The following ARHGAP44 variants were observed in gnomAD, a reference collection of about 807,000 sequenced individuals.
The protein encoded by ARHGAP44 is rho GTPase-activating protein 44.
In ARHGAP44, 43 loss-of-function variants were observed where a neutral mutation model predicts 106.8. That is an observed-to-expected ratio of 0.40 (90% confidence interval 0.32 to 0.52). The LOEUF is 0.52. Ranked by LOEUF, ARHGAP44 falls within the 20% of genes least tolerant of loss-of-function variation. The pLI, the probability that ARHGAP44 is intolerant of heterozygous loss-of-function variation, is 0.48. For missense variants in ARHGAP44, 866 were observed against 1,050.5 expected (o/e 0.82, Z 2.43); for synonymous variants, 439 against 410.3 (o/e 1.07, Z -0.85).
intron 1 of ARHGAP44, among the ~76,000 whole-genome samples, chr17:12,853,923 A>T (rs1427593824): frequency 6.6e-6 from 1 of 151,672 alleles, no homozygotes; most frequent in Admixed American, 6.6e-5. Context: ...CCAATTCCCC[A>T]TTTCCATGTG....
intron 20 of ARHGAP44, chr17:12,987,090 T>C (rs1479825464): frequency 1.3e-6 from 2 of 1,533,584 alleles, no homozygotes; most frequent in Admixed American, 2.0e-5. Context: ...CCTATCATTG[T>C]GTTCTTGCAG....
chr17:12,847,489 C>T (rs373633917), intron 1 of ARHGAP44, among the ~76,000 whole-genome samples: 3 of 149,858 alleles, frequency 2.0e-5, no homozygotes, highest in Non-Finnish European at 2.9e-5. Flanking sequence ...CTCCCCTACA[C>T]CTTCCTTCAA....
chr17:12,933,884 T>A (rs889106485), intron 7 of ARHGAP44, among the ~76,000 whole-genome samples: 2 of 151,026 alleles, frequency 1.3e-5, no homozygotes, highest in Non-Finnish European at 2.9e-5. Flanking sequence ...TGTCTGGCTC[T>A]GTCGCCCAGG....
chr17:12,978,035 T>TAAAAAAAA (rs757585682), intron 18 of ARHGAP44, among the ~76,000 whole-genome samples: 825 of 55,500 alleles, frequency 0.015, 107 homozygotes, highest in Non-Finnish European at 0.018. Flanking sequence ...AGACTCCATC[T>TAAAAAAAA]CAAAAAAAAA....
rs137975083 is a variant in ARHGAP44 at position 12,955,993 on chromosome 17, C to G, written c.1250+13C>G. 119 of 1,594,854 alleles carry G rather than the reference C, an allele frequency of 7.5e-5. No individual in the cohort carries two copies. In the African/African-American group the frequency reaches 1.5e-3, roughly 21 times the overall value. On this transcript the variant is annotated intron_variant, in intron 14 of 20. Coordinates refer to ENST00000379672, the MANE Select transcript of ARHGAP44 (RefSeq NM_014859.6). The stretch of plus-strand genomic sequence containing the variant: ...CACAAGCAGAAGGGTAAGTACAGGG[C>G]GGAGAAGTAATGTGGGTGATCAGGT...
chr17:12,869,492 C>T (rs969062291), intron 1 of ARHGAP44, among the ~76,000 whole-genome samples: 6 of 151,872 alleles, frequency 4.0e-5, no homozygotes, highest in Non-Finnish European at 8.8e-5. Context: ...AATTTACCAT[C>T]TTAACCATTT....
rs979336786 is a variant in ARHGAP44 at position 12,991,079 on chromosome 17, C to T, written c.*908C>T. ...CAAAGCATGTGGAGGAAAAGTGAAA[C>T]CAGCCACGGAGACGCTGGCCCACGG... On this transcript the variant is annotated 3_prime_UTR_variant, in exon 21 of 21. Transcript: ENST00000379672. 4 of 152,630 alleles carry T rather than the reference C, an allele frequency of 2.6e-5. No homozygotes were observed. The highest frequency in any genetic ancestry group is 7.2e-5 in the African/African-American group (3 of 41,460). The allele number at this position is 152,630 out of a possible 1,614,324, so 9.5% of individuals were successfully genotyped here.
At position 12,958,871 on chromosome 17, in the gene ARHGAP44, G is replaced by A. The variant is rs1159638916; in HGVS notation, c.1497G>A (p.Met499Ile). Residue 499 changes from methionine (M) to isoleucine (I), a missense_variant, in exon 16 of 21, where the codon ATG (methionine) becomes ATA (isoleucine). Around this residue, in one of 2 missense-constraint regions of ARHGAP44, gnomAD observed 448 missense variants for 646.9 expected, o/e 0.69. Coordinates refer to ENST00000379672, the MANE Select transcript of ARHGAP44 (RefSeq NM_014859.6). This position sits in a 1 kb window ranked among gnomAD's most constrained non-coding sequence, Gnocchi z 4.1. ...RRPLSVATDN[M>I]MLEFYKKDGL... is the part of the protein sequence containing the mutation. Reference sequence around the variant, plus strand: ...CCCTCAGCGTCGCCACGGATAATATGATGCTGGAGTTTTACAAAAAGGATG... The same window carrying A: ...CCCTCAGCGTCGCCACGGATAATATAATGCTGGAGTTTTACAAAAAGGATG... The A allele has an allele frequency of 6.2e-7, 1 of 1,610,104 alleles. No individual in the cohort carries two copies. Among genetic ancestry groups the A allele is most frequent in the Non-Finnish European group, 8.5e-7 (1 of 1,178,148 alleles).
Position 12,964,422 on chromosome 17 carries a change from C to T in ARHGAP44, c.1523+5525C>T, listed in dbSNP as rs78776934. Among the ~76,000 whole-genome samples, 33 of 152,304 alleles carry T rather than the reference C, an allele frequency of 2.2e-4. 1 individual carries two copies. In the East Asian group the frequency reaches 4.8e-3, roughly 22 times the overall value. ...CAGATGCCTCCACTGGCTACATCCC[C>T]GACTGAGCCTGGACAAGCTGGGCCA... On this transcript the variant is annotated intron_variant, in intron 16 of 20. Transcript: ENST00000379672.
chr17:12,984,769 G>A lies in ARHGAP44; in HGVS notation c.2178G>A (p.Ser726=), dbSNP rs143756943. The change falls in exon 20 of 21, where the codon TCG becomes TCA. Residue 726 remains serine, a synonymous_variant. Coordinates refer to ENST00000379672, the MANE Select transcript of ARHGAP44 (RefSeq NM_014859.6). Reference sequence around the variant, plus strand: ...TCTTTACAAGCACTTTGAGCAAATCGCGGCCCACTCCTAAGCCGCGACAGA... The same window carrying A: ...TCTTTACAAGCACTTTGAGCAAATCACGGCCCACTCCTAAGCCGCGACAGA... ...PSVFTSTLSK[S]RPTPKPRQRP... 10,970 of 1,613,874 alleles carry A rather than the reference G, an allele frequency of 6.8e-3. 52 individuals carry two copies. Among genetic ancestry groups the A allele is most frequent in the Non-Finnish European group, 8.3e-3 (9,785 of 1,179,886 alleles).
chr17:12,903,140 A>AGAGAGAGTGTGTGT (rs1403029479), intron 3 of ARHGAP44, among the ~76,000 whole-genome samples: 1 of 57,574 alleles, frequency 1.7e-5, no homozygotes, highest in African/African-American at 6.3e-5. Context: ...AGAGAGAGAG[A>AGAGAGAGTGTGTGT]GTGTGTGTGT....
chr17:12,974,410 G>GCC, intron 18 of ARHGAP44, 100 bp downstream of exon 18: 1 of 995,080 alleles, frequency 1.0e-6, no homozygotes, highest in Non-Finnish European at 1.3e-6. Context: ...CGTTTCCCAT[G>GCC]CCCCCGCCCC....
rs190409037 is a variant in ARHGAP44 at position 12,886,464 on chromosome 17, C to T, written c.54-8476C>T. On this transcript the variant is annotated intron_variant, in intron 1 of 20. Coordinates refer to ENST00000379672, the MANE Select transcript of ARHGAP44 (RefSeq NM_014859.6). ...AATACCACAGACATGCTTTTTCTCT[C>T]TATTTAGATTTGCTTTTATTTATTT... is the stretch of plus-strand genomic sequence containing the variant. 3.9e-5 allele frequency among the ~76,000 whole-genome samples: 6 copies of T among 152,186 alleles called. No homozygotes were observed. In the East Asian group the frequency reaches 9.6e-4, roughly 24 times the overall value.
chr17:12,926,820 TTGG>T (rs2038261113), intron 6 of ARHGAP44, among the ~76,000 whole-genome samples: 1 of 152,060 alleles, frequency 6.6e-6, no homozygotes, highest in South Asian at 2.1e-4. Context: ...CACTTTCATA[TTGG>T]TTAGTTATTT....
chr17:12,855,124 G>A (rs185041917), intron 1 of ARHGAP44, among the ~76,000 whole-genome samples: 1 of 152,192 alleles, frequency 6.6e-6, no homozygotes, highest in Admixed American at 6.5e-5. Flanking sequence ...AAAGAAATCT[G>A]CTCAGCATTG....
At chr17:12,961,746 G>A (rs1464023116) in intron 16 of ARHGAP44, among the ~76,000 whole-genome samples, 1 of 152,032 alleles carries the variant, frequency 6.6e-6, no homozygotes, top group Non-Finnish European at 1.5e-5. Context: ...AAAAAAAAAA[G>A]TTAAATTCAA....
rs529590014 is a variant in ARHGAP44 at position 12,949,483 on chromosome 17, C to T, written c.974-166C>T. ...TGTGGGAAGAAAGAGGGGCCAGGTC[C>T]CCTGTCAGAGCCTCATACCCATTTC... On this transcript the variant is annotated intron_variant, in intron 11 of 20. Transcript: ENST00000379672. The surrounding 1 kb of genome is among the most constrained non-coding windows in gnomAD (Gnocchi z 4.1). Among the ~76,000 whole-genome samples, 1 of 152,254 alleles carries T rather than the reference C, an allele frequency of 6.6e-6. No homozygotes were observed. The highest frequency in any genetic ancestry group is 1.5e-5 in the Non-Finnish European group (1 of 68,020).
chr17:12,903,413 C>T (rs2037454088), intron 3 of ARHGAP44, among the ~76,000 whole-genome samples: 2 of 152,074 alleles, frequency 1.3e-5, no homozygotes, highest in Admixed American at 6.6e-5. Flanking sequence ...CTCTTTGGCT[C>T]TGAAAATCAC....
At position 12,909,199 on chromosome 17, in the gene ARHGAP44, A is replaced by G. The variant is rs1178106611; in HGVS notation, c.275+226A>G. ...GAGATTAACATGAAACTGATGAAGG[A>G]CAATTGAAATCCCTAGGGCCCTAGC... On this transcript the variant is annotated intron_variant, in intron 4 of 20. Transcript: ENST00000379672. Among the ~76,000 whole-genome samples the G allele has an allele frequency of 2.0e-5, 3 of 152,222 alleles. No homozygotes were observed. In the East Asian group the frequency reaches 5.8e-4, roughly 29 times the overall value.
Sources: gnomAD v4.1 joint callset for allele counts (sites outside exome capture counted in the v4.1 genomes callset) on GRCh38, gnomAD v4.1.1 for gene constraint, gnomAD v4.1.1 regional missense constraint, Gnocchi (gnomAD v3.1) non-coding constraint, MANE v1.5 for transcripts, NCBI Gene and HGNC (gene_info 2026-07-23, HGNC 2026-07-21) for gene names.